TYMP: variants seen among roughly 807,000 people sequenced by gnomAD.
The protein encoded by TYMP is thymidine phosphorylase.
A neutral mutation model predicts 42.3 loss-of-function variants in TYMP; 46 were observed. The observed-to-expected ratio is 1.09, with a 90% confidence interval of 0.86 to 1.39. The LOEUF is 1.39. Ranked by LOEUF, TYMP falls within the 40% of genes most tolerant of loss-of-function variation. The probability of loss-of-function intolerance (pLI) is 0.00; values close to 1 mark genes in which losing one functional copy is unlikely to be tolerated. For missense variants in TYMP, 837 were observed against 677.6 expected, an observed-to-expected ratio of 1.24 and a Z score of -2.61; for synonymous variants, 363 against 308.0, an observed-to-expected ratio of 1.18 and a Z score of -1.87.
Position 50,526,444 on chromosome 22 carries a change from C to T in TYMP, c.961G>A (p.Gly321Arg), listed in dbSNP as rs772156477. 7 of 1,498,168 alleles carry T rather than the reference C, an allele frequency of 4.7e-6. No individual in the cohort carries two copies. The Admixed American group carries it at 1.5e-4, about 33-fold the overall frequency. 92.8% of individuals were successfully genotyped at this position (1,498,168 alleles called of 1,614,324 possible). A position where few individuals can be genotyped will look rare whatever the true frequency, so the allele number is the denominator to read the frequency against. The change falls in exon 8 of 10, where the codon GGG becomes AGG. Residue 321 changes from glycine (G) to arginine (R), a missense_variant. By Grantham distance (125) the Gly-to-Arg change is moderately radical. Coordinates refer to ENST00000252029, the MANE Select transcript of TYMP (RefSeq NM_001953.5). ...CGGGCAGCGCCCTGGGCCTGAGTCC[C>T]CGCGTGTCCGCTGAGCCAGAGCAGG... ...GALLWLSGHA[G>R]TQAQGAARVA...
chr22:50,526,428 C>A lies in TYMP; in HGVS notation c.977G>T (p.Gly326Val), dbSNP rs1373519372. 1.3e-6 allele frequency: 2 copies of A among 1,510,078 alleles called. No individual in the cohort carries two copies. Among genetic ancestry groups the A allele is most frequent in the Non-Finnish European group, 1.8e-6 (2 of 1,138,436 alleles). 93.5% of individuals were successfully genotyped at this position (1,510,078 alleles called of 1,614,324 possible). ...LSGHAGTQAQ[G>V]AARVAAALDD... is the part of the protein sequence containing the mutation. ...CAGCGCCGCGGCCACCCGGGCAGCG[C>A]CCTGGGCCTGAGTCCCCGCGTGTCC... The change falls in exon 8 of 10, where the codon GGC (glycine) becomes GTC (valine). Residue 326 changes from glycine to valine, a missense_variant. Transcript: ENST00000252029.
chr22:50,527,785 T>C, intron 4 of TYMP, 68 bp from the exon 5 acceptor site: 1 of 1,579,696 alleles, frequency 6.3e-7, no homozygotes, highest in Non-Finnish European at 8.6e-7. Context: ...TTTTTTTTTT[T>C]TTTTTTCTGT....
Position 50,526,051 on chromosome 22 carries a change from A to T in TYMP, c.1250T>A (p.Leu417Gln). The change falls in exon 9 of 10, where the codon CTG becomes CAG. Residue 417 changes from leucine to glutamine, a missense_variant. Transcript: ENST00000252029. ...GRSRAGEPLR[L>Q]GVGAELLVDV... ...GACCAGCAGCTCTGCGCCCACCCCC[A>T]GGCGGAGCGGCTCCCCAGCGCGGCT... The T allele has an allele frequency of 6.7e-7, 1 of 1,482,052 alleles. No individual in the cohort carries two copies. Among genetic ancestry groups the T allele is most frequent in the South Asian group, 1.3e-5 (1 of 78,616 alleles). The allele number at this position is 1,482,052 out of a possible 1,614,324, so 91.8% of individuals were successfully genotyped here. A position where few individuals can be genotyped will look rare whatever the true frequency, so the allele number is the denominator to read the frequency against.
intron 5 of TYMP, 141 bp downstream of exon 5, chr22:50,527,447 T>A: frequency 5.1e-6 from 7 of 1,376,642 alleles, no homozygotes; most frequent in Non-Finnish European, 7.2e-6. Flanking sequence ...CCACCCCACA[T>A]GGTGGTGGTC....
chr22:50,529,681 C>A lies in TYMP; in HGVS notation c.29G>T (p.Gly10Val). 6.2e-7 allele frequency: 1 copy of A among 1,611,524 alleles called. No homozygotes were observed. The highest frequency in any genetic ancestry group is 2.2e-5 in the East Asian group (1 of 44,818). ...GAAGTCACCAGGCGCGGGTGGGGCC[C>A]CGGTTCCCGGGGTCATCAAGGCTGC... is the stretch of plus-strand genomic sequence containing the variant. MAALMTPGT[G>V]APPAPGDFSG... is the part of the protein sequence containing the mutation. The change falls in exon 2 of 10, where the codon GGG (glycine) becomes GTG (valine). Residue 10 changes from glycine (G) to valine (V), a missense_variant. Physicochemically the swap from Gly to Val is moderately radical, Grantham distance 109 (BLOSUM62 -3). Transcript: ENST00000252029.
chr22:50,529,896 G>A lies in TYMP; in HGVS notation c.-11+8C>T. The A allele has an allele frequency of 1.6e-6, 1 of 629,130 alleles. No homozygotes were observed. The highest frequency in any genetic ancestry group is 2.9e-5 in the Admixed American group (1 of 34,546). The allele number at this position is 629,130 out of a possible 1,614,324, so 39.0% of individuals were successfully genotyped here. Reference sequence around the variant, plus strand: ...TTCCCCGCCTCGCGACTTGAGCCCCGCCCGTACCTGCTTAGGGCGCTGCCC... The same window carrying A: ...TTCCCCGCCTCGCGACTTGAGCCCCACCCGTACCTGCTTAGGGCGCTGCCC... On this transcript the variant is annotated splice_region_variant and intron_variant, in intron 1 of 9. Transcript: ENST00000252029.
At chr22:50,526,213 AG>A (rs1569522093) in intron 8 of TYMP, 32 bp downstream of exon 8, 2 of 1,498,088 alleles carry the variant, frequency 1.3e-6, no homozygotes, top group South Asian at 2.5e-5. Flanking sequence ...GGGATGGCGG[AG>A]GCGGAAGGAC....
At chr22:50,529,399 G>T in intron 2 of TYMP, 61 bp from the exon 3 acceptor site, 1 of 1,606,074 alleles carries the variant, frequency 6.2e-7, no homozygotes. Flanking sequence ...CCTGGGGCCG[G>T]TGCTGGTAGT....
rs2069384056 is a variant in TYMP at position 50,526,469 on chromosome 22, G to A, written c.936C>T (p.Ala312=). The change falls in exon 8 of 10, where the codon GCC becomes GCT. Residue 312 remains alanine (A), a synonymous_variant. Coordinates refer to ENST00000252029, the MANE Select transcript of TYMP (RefSeq NM_001953.5). The part of the protein sequence containing the change: ...LRDLVTTLGG[A]LLWLSGHAGT... Reference sequence around the variant, plus strand: ...CCGCGTGTCCGCTGAGCCAGAGCAGGGCGCCCCCTGCGGGCGGGGACGGGT... The same window carrying A: ...CCGCGTGTCCGCTGAGCCAGAGCAGAGCGCCCCCTGCGGGCGGGGACGGGT... The A allele has an allele frequency of 6.7e-7, 1 of 1,492,176 alleles. No individual in the cohort carries two copies. Among genetic ancestry groups the A allele is most frequent in the Non-Finnish European group, 8.9e-7 (1 of 1,129,458 alleles). 92.4% of individuals were successfully genotyped at this position (1,492,176 alleles called of 1,614,324 possible).
chr22:50,528,420 G>T, intron 4 of TYMP, 92 bp downstream of exon 4: 6 of 1,106,694 alleles, frequency 5.4e-6, no homozygotes, highest in Non-Finnish European at 8.1e-6. Flanking sequence ...TCTCATTAGT[G>T]ACCCTAATGA....
rs369851492 is a variant in TYMP at position 50,529,626 on chromosome 22, G to A, written c.84C>T (p.Asp28=). The stretch of plus-strand genomic sequence containing the variant: ...GGAGCTGCTTGGGCTCTGGCGAAGG[G>A]TCGGGAAGTCCCTGGCTCCCTTCCC... The part of the protein sequence containing the change: ...FSGEGSQGLP[D]PSPEPKQLPE... Residue 28 remains aspartate (D), a synonymous_variant, in exon 2 of 10, where the codon GAC becomes GAT. Transcript: ENST00000252029. The A allele has an allele frequency of 2.5e-6, 4 of 1,612,618 alleles. No individual in the cohort carries two copies. In the African/African-American group the frequency reaches 4.0e-5, roughly 16 times the overall value.
At position 50,525,910 on chromosome 22, in the gene TYMP, A is replaced by AG. The variant is rs1471478620; in HGVS notation, c.1308dup (p.Trp437LeufsTer?). 3.2e-6 allele frequency: 5 copies of AG among 1,538,552 alleles called. No individual in the cohort carries two copies. Among genetic ancestry groups the AG allele is most frequent in the African/African-American group, 1.4e-5 (1 of 71,132 alleles). ...GGGCCGTCCCGGTGCACGCGGAGCC[A>AG]GGGGGTCCCTGCAGAGCGAGGGGCT... is the stretch of plus-strand genomic sequence containing the variant. On this transcript the variant is annotated frameshift_variant, in exon 10 of 10. Transcript: ENST00000252029. LOFTEE classifies it low-confidence loss of function (END_TRUNC).
Position 50,526,059 on chromosome 22 carries a change from C to T in TYMP, c.1242G>A (p.Pro414=), listed in dbSNP as rs1013301590. ...GCTCTGCGCCCACCCCCAGGCGGAG[C>T]GGCTCCCCAGCGCGGCTGCGCCCGG... ...LGAGRSRAGE[P]LRLGVGAELL... The change falls in exon 9 of 10, where the codon CCG becomes CCA. Residue 414 remains proline, a synonymous_variant. Coordinates refer to ENST00000252029, the MANE Select transcript of TYMP (RefSeq NM_001953.5). 467 of 1,482,378 alleles carry T rather than the reference C, an allele frequency of 3.2e-4. 1 individual carries two copies. Among genetic ancestry groups the T allele is most frequent in the Non-Finnish European group, 3.9e-4 (437 of 1,124,162 alleles). The allele number at this position is 1,482,378 out of a possible 1,614,324, so 91.8% of individuals were successfully genotyped here. A position where few individuals can be genotyped will look rare whatever the true frequency, so the allele number is the denominator to read the frequency against.
At chr22:50,528,450 T>C in intron 4 of TYMP, 62 bp downstream of exon 4, 2 of 1,391,016 alleles carry the variant, frequency 1.4e-6, no homozygotes, top group South Asian at 1.2e-5. Context: ...GATCTTTTAG[T>C]GATTCTGGCC....
rs2148677099 is a variant in TYMP at position 50,526,109 on chromosome 22, C to CCAGCGG, written c.1186_1191dup (p.Pro396_Leu397dup). 6.7e-7 allele frequency: 1 copy of CCAGCGG among 1,489,346 alleles called. No individual in the cohort carries two copies. The highest frequency in any genetic ancestry group is 1.3e-5 in the South Asian group (1 of 78,902). The allele number at this position is 1,489,346 out of a possible 1,614,324, so 92.3% of individuals were successfully genotyped here. The stretch of plus-strand genomic sequence containing the variant: ...GCCCCGAGCTCGTGCAGCACCAGCG[C>CCAGCGG]CAGCGGCAGCGCCCGGACCAGCTCC... On this transcript the variant is annotated inframe_insertion, in exon 9 of 10. Coordinates refer to ENST00000252029, the MANE Select transcript of TYMP (RefSeq NM_001953.5).
At chr22:50,529,446 C>T (rs769698453) in intron 2 of TYMP, 50 bp downstream of exon 2, 3 of 1,608,396 alleles carry the variant, frequency 1.9e-6, no homozygotes, top group Non-Finnish European at 8.5e-7. Flanking sequence ...CAAAGTCTCT[C>T]GGGCTGACCT....
intron 4 of TYMP, 94 bp from the exon 5 acceptor site, chr22:50,527,811 G>C (rs1018451037): frequency 2.4e-5 from 36 of 1,512,266 alleles, no homozygotes; most frequent in Non-Finnish European, 2.8e-5. Context: ...GTCTTCCTCT[G>C]TTGCCCAGGC....
rs1394951112 is a variant in TYMP at position 50,525,814 on chromosome 22, C to A, written c.1405G>T (p.Ala469Ser). ...LVLSDRAPFA[A>S]PSPFAELVLP... ...ACGAGCTCTGCGAAGGGCGAGGGGG[C>A]GGCGAATGGCGCGCGGTCGGAGAGT... The change falls in exon 10 of 10, where the codon GCC (alanine) becomes TCC (serine). Residue 469 changes from alanine to serine, a missense_variant. By Grantham distance (99) the Ala-to-Ser change is moderately conservative. Coordinates refer to ENST00000252029, the MANE Select transcript of TYMP (RefSeq NM_001953.5). 5 of 1,610,222 alleles carry A rather than the reference C, an allele frequency of 3.1e-6. No individual in the cohort carries two copies. The highest frequency in any genetic ancestry group is 2.5e-6 in the Non-Finnish European group (3 of 1,178,828).
chr22:50,529,874 C>T, intron 1 of TYMP, 30 bp downstream of exon 1: 1 of 686,636 alleles, frequency 1.5e-6, no homozygotes, highest in South Asian at 1.9e-5. Context: ...CTCCCGCTTC[C>T]CCGCCTCGCG....
Sources: gnomAD v4.1 joint callset for allele counts on GRCh38, gnomAD v4.1.1 for gene constraint, MANE v1.5 for transcripts, NCBI Gene and HGNC (gene_info 2026-07-23, HGNC 2026-07-21) for gene names.